Variants in CDH22 observed in about 807,000 individuals in gnomAD.
The protein encoded by CDH22 is cadherin-22.
Under a neutral mutation model 58.4 loss-of-function variants are expected in CDH22, and 30 were observed. That is an observed-to-expected ratio of 0.51 (90% CI 0.38 to 0.70). The LOEUF is 0.70. CDH22 is among the 30% of genes least tolerant of loss of function. CDH22 has a pLI of 0.00. For synonymous variants in CDH22, 513 were observed against 558.2 expected, an observed-to-expected ratio of 0.92 and a Z score of 1.14; for missense variants, 1,014 against 1,233.9, an observed-to-expected ratio of 0.82 and a Z score of 2.67.
rs530319341 is a variant in CDH22 at position 46,241,580 on chromosome 20, C to T, written c.256-323G>A. 2.6e-5 allele frequency among the ~76,000 whole-genome samples: 4 copies of T among 152,178 alleles called. No homozygotes were observed. The highest frequency in any genetic ancestry group is 5.9e-5 in the Non-Finnish European group (4 of 68,036). On this transcript the variant is annotated intron_variant, in intron 2 of 11. Coordinates refer to ENST00000537909, the MANE Select transcript of CDH22 (RefSeq NM_021248.3). This position sits in a 1 kb window ranked among gnomAD's most constrained non-coding sequence, Gnocchi z 5.2. ...TTCCCATTGCCTTCACAAAGAAGTC[C>T]AGCACCACCTCCACACCTCTCTCCC...
intron 4 of CDH22, among the ~76,000 whole-genome samples, chr20:46,225,487 T>TA (rs893129296): frequency 3.3e-5 from 5 of 152,000 alleles, no homozygotes; most frequent in African/African-American, 7.2e-5. Flanking sequence ...ACCATTCATG[T>TA]AAAAAAAATA....
chr20:46,179,634 T>A (rs1379635318), intron 10 of CDH22, among the ~76,000 whole-genome samples: 3 of 152,184 alleles, frequency 2.0e-5, no homozygotes, highest in Non-Finnish European at 4.4e-5. Flanking sequence ...ATTAAAATGT[T>A]GAAAAATAAT....
chr20:46,211,188 A>C (rs1439800427), intron 6 of CDH22, among the ~76,000 whole-genome samples: 1 of 152,244 alleles, frequency 6.6e-6, no homozygotes, highest in East Asian at 1.9e-4. Flanking sequence ...CCCTCTGATG[A>C]ATGAGCTCCA....
At chr20:46,202,117 G>A (rs6104502) in intron 7 of CDH22, among the ~76,000 whole-genome samples, 1 of 152,134 alleles carries the variant, frequency 6.6e-6, no homozygotes, top group Non-Finnish European at 1.5e-5. Context: ...TGGTTGTGCA[G>A]GTTGTGTCAT....
intron 8 of CDH22, among the ~76,000 whole-genome samples, chr20:46,195,800 G>A (rs1454379945): frequency 6.6e-6 from 1 of 152,226 alleles, no homozygotes; most frequent in Non-Finnish European, 1.5e-5. Flanking sequence ...CAGAAGTTCG[G>A]GGAGAGGGGA....
At chr20:46,301,199 A>G (rs1348254411) in intron 1 of CDH22, among the ~76,000 whole-genome samples, 2 of 152,240 alleles carry the variant, frequency 1.3e-5, no homozygotes, top group South Asian at 4.1e-4. Context: ...ATACATATAT[A>G]TAAATTTACA....
chr20:46,214,107 C>T (rs1439481939), intron 5 of CDH22, among the ~76,000 whole-genome samples: 2 of 152,024 alleles, frequency 1.3e-5, no homozygotes, highest in Non-Finnish European at 2.9e-5. Flanking sequence ...AAAGAGTATT[C>T]TAGACAGAGG....
At chr20:46,288,257 T>C (rs945854572) in intron 1 of CDH22, among the ~76,000 whole-genome samples, 1 of 152,112 alleles carries the variant, frequency 6.6e-6, no homozygotes, top group African/African-American at 2.4e-5. Flanking sequence ...AATCCCTCCC[T>C]GGTACCCCAG....
chr20:46,210,767 C>T lies in CDH22; in HGVS notation c.1033-207G>A, dbSNP rs2086037649. Among the ~76,000 whole-genome samples, 1 of 152,192 alleles carries T rather than the reference C, an allele frequency of 6.6e-6. No individual in the cohort carries two copies. Among genetic ancestry groups the T allele is most frequent in the African/African-American group, 2.4e-5 (1 of 41,448 alleles). On this transcript the variant is annotated intron_variant, in intron 6 of 11. Transcript: ENST00000537909. The surrounding 1 kb of genome is among the most constrained non-coding windows in gnomAD (Gnocchi z 4.5). Reference sequence around the variant, plus strand: ...GAAACTGAGGATCCTCGAGGACAGTCTTGCCTAAGGACACAGCCACTCCAG... The same window carrying T: ...GAAACTGAGGATCCTCGAGGACAGTTTTGCCTAAGGACACAGCCACTCCAG...
intron 1 of CDH22, among the ~76,000 whole-genome samples, chr20:46,259,687 C>T (rs1414455871): frequency 2.0e-5 from 3 of 152,090 alleles, no homozygotes; most frequent in African/African-American, 7.2e-5. Context: ...GGAGCTGATC[C>T]TTGAAAGGTG....
chr20:46,282,265 G>T (rs1247951556), intron 1 of CDH22, among the ~76,000 whole-genome samples: 1 of 152,222 alleles, frequency 6.6e-6, no homozygotes, highest in African/African-American at 2.4e-5. Flanking sequence ...CCTGAGTTTG[G>T]CAGGTTAGAT....
rs1383416552 is a variant in CDH22, at chr20:46,241,082, G to A, written c.431C>T (p.Thr144Ile). ...CGACTCGGGCTCCAGTAGGCGGTTGGTGGCGCGATCCCGAGCCTGGGCCCG... is the reference window on the plus strand; with the variant it reads ...CGACTCGGGCTCCAGTAGGCGGTTGATGGCGCGATCCCGAGCCTGGGCCCG... ...TLRAQARDRATNRLLEPESEF... is the reference protein window; with the variant it reads ...TLRAQARDRAINRLLEPESEF... Residue 144 changes from threonine to isoleucine, a missense_variant, in exon 3 of 12, where the codon ACC (threonine) becomes ATC (isoleucine). By Grantham distance (89) the Thr-to-Ile change is moderately conservative. Coordinates refer to ENST00000537909, the MANE Select transcript of CDH22 (RefSeq NM_021248.3). This position sits in a 1 kb window ranked among gnomAD's most constrained non-coding sequence, Gnocchi z 5.2. 1 of 1,614,198 alleles carries A rather than the reference G, an allele frequency of 6.2e-7. No homozygotes were observed. Among genetic ancestry groups the A allele is most frequent in the Non-Finnish European group, 8.5e-7 (1 of 1,180,030 alleles).
chr20:46,177,796 G>A (rs2085751585), intron 11 of CDH22, 150 bp downstream of exon 11: 1 of 995,566 alleles, frequency 1.0e-6, no homozygotes, highest in Admixed American at 2.6e-5. Flanking sequence ...TCCTCATGGG[G>A]GCTGCTTGTT....
At position 46,265,463 on chromosome 20, in the gene CDH22, A is replaced by C. The variant is rs550263229; in HGVS notation, c.-399-13770T>G. 4.4e-4 allele frequency among the ~76,000 whole-genome samples: 67 copies of C among 152,340 alleles called. No individual in the cohort carries two copies. The South Asian group carries it at 0.013, about 30-fold the overall frequency. On this transcript the variant is annotated intron_variant, in intron 1 of 11. Transcript: ENST00000537909. ...ACACTTTGAGCAAAATACTGAAAAT[A>C]GCCCCCTCCTCAGAAGCTCCTACTG...
intron 4 of CDH22, among the ~76,000 whole-genome samples, chr20:46,221,332 G>T (rs1274002174): frequency 2.8e-5 from 4 of 144,888 alleles, no homozygotes; most frequent in African/African-American, 7.7e-5. Flanking sequence ...AAATCCAGTT[G>T]GCTGGGCCAT....
At chr20:46,296,834 T>C (rs545857796) in intron 1 of CDH22, among the ~76,000 whole-genome samples, 21 of 152,222 alleles carry the variant, frequency 1.4e-4, no homozygotes, top group Admixed American at 2.6e-4. Flanking sequence ...AATTTGTGAT[T>C]GTTTTTCTAA....
At chr20:46,234,552 T>A (rs1199051666) in intron 3 of CDH22, among the ~76,000 whole-genome samples, 2 of 152,222 alleles carry the variant, frequency 1.3e-5, no homozygotes, top group Non-Finnish European at 2.9e-5. Flanking sequence ...CAAGACAGTC[T>A]TTTCCCATCT....
At chr20:46,217,243 C>T (rs1444308566) in intron 4 of CDH22, among the ~76,000 whole-genome samples, 1 of 152,122 alleles carries the variant, frequency 6.6e-6, no homozygotes. Flanking sequence ...CATGCTCACA[C>T]ACACGGTCAC....
At chr20:46,277,015 G>A (rs2086521605) in intron 1 of CDH22, among the ~76,000 whole-genome samples, 1 of 152,226 alleles carries the variant, frequency 6.6e-6, no homozygotes, top group South Asian at 2.1e-4. Flanking sequence ...CAGGCCGGGT[G>A]CAGTGGCCTA....
Sources: gnomAD v4.1 joint callset for allele counts (sites outside exome capture counted in the v4.1 genomes callset) on GRCh38, gnomAD v4.1.1 for gene constraint, Gnocchi (gnomAD v3.1) non-coding constraint, MANE v1.5 for transcripts, NCBI Gene and HGNC (gene_info 2026-07-23, HGNC 2026-07-21) for gene names.